The following SNTG1 variants were observed in gnomAD, a reference collection of about 807,000 sequenced individuals.
The protein encoded by SNTG1 is gamma-1-syntrophin.
A neutral mutation model predicts 74.7 loss-of-function variants in SNTG1; 39 were observed. That is an observed-to-expected ratio of 0.52 (90% CI 0.40 to 0.68). SNTG1 has a LOEUF of 0.68. Among genes scored for constraint, SNTG1 ranks in the 30% least tolerant of loss-of-function variants. The probability of loss-of-function intolerance (pLI) is 0.00; values close to 1 mark genes in which losing one functional copy is unlikely to be tolerated. For synonymous variants in SNTG1, 254 were observed against 217.1 expected, an observed-to-expected ratio of 1.17 and a Z score of -1.49; for missense variants, 685 against 609.5, an observed-to-expected ratio of 1.12 and a Z score of -1.30.
At chr8:49,941,332 C>T (rs1808666021) in intron 1 of SNTG1, among the ~76,000 whole-genome samples, 1 of 152,048 alleles carries the variant, frequency 6.6e-6, no homozygotes, top group Admixed American at 6.5e-5. Context: ...CTTTATGGAA[C>T]TCCTACACCT....
intron 11 of SNTG1, among the ~76,000 whole-genome samples, chr8:50,548,506 T>G (rs2094403531): frequency 6.6e-6 from 1 of 152,066 alleles, no homozygotes; most frequent in Non-Finnish European, 1.5e-5. Flanking sequence ...TAAAGTAAAG[T>G]GGAGATGGAC....
chr8:50,028,208 T>C (rs1817433569), intron 1 of SNTG1, among the ~76,000 whole-genome samples: 1 of 152,224 alleles, frequency 6.6e-6, no homozygotes, highest in South Asian at 2.1e-4. Context: ...AATGGAATCA[T>C]ACAGAATGTG....
chr8:50,069,316 A>C (rs1417354093), intron 1 of SNTG1, among the ~76,000 whole-genome samples: 3 of 152,138 alleles, frequency 2.0e-5, no homozygotes, highest in Non-Finnish European at 4.4e-5. Context: ...TATATCACAA[A>C]ATCCACAAGT....
intron 17 of SNTG1, among the ~76,000 whole-genome samples, chr8:50,730,649 T>G (rs968545526): frequency 6.6e-6 from 1 of 152,210 alleles, no homozygotes; most frequent in Admixed American, 6.5e-5. Context: ...ATATGTTGTC[T>G]CAAAATGCTA....
intron 12 of SNTG1, among the ~76,000 whole-genome samples, chr8:50,589,406 C>G (rs2094676769): frequency 6.6e-6 from 1 of 152,090 alleles, no homozygotes; most frequent in Non-Finnish European, 1.5e-5. Flanking sequence ...GGTGGGTTAG[C>G]AGGACAAGAC....
chr8:50,233,271 T>A (rs148632421), intron 2 of SNTG1, among the ~76,000 whole-genome samples: 2 of 151,702 alleles, frequency 1.3e-5, no homozygotes, highest in East Asian at 1.9e-4. Context: ...AATGACCAAG[T>A]GATTTTTGGC....
rs559931993 is a variant in SNTG1, at chr8:50,168,565, G to GTA, written c.-102-3986_-102-3985dup. ...TGTGTGTATACATGTATATGCATGT[G>GTA]TATATATATATGTATATATGTATGT... is the stretch of plus-strand genomic sequence containing the variant. On this transcript the variant is annotated intron_variant, in intron 1 of 18. Transcript: ENST00000642720. Among the ~76,000 whole-genome samples, 385 of 151,850 alleles carry GTA rather than the reference G, an allele frequency of 2.5e-3. 2 individuals carry two copies. Among genetic ancestry groups the GTA allele is most frequent in the African/African-American group, 8.7e-3 (360 of 41,422 alleles).
At chr8:50,064,780 C>A (rs964844929) in intron 1 of SNTG1, among the ~76,000 whole-genome samples, 2 of 152,110 alleles carry the variant, frequency 1.3e-5, no homozygotes, top group African/African-American at 2.4e-5. Context: ...TCTTATAATT[C>A]TGGTTGCAGC....
chr8:50,627,469 C>A (rs925669023), intron 13 of SNTG1, among the ~76,000 whole-genome samples: 7 of 152,002 alleles, frequency 4.6e-5, no homozygotes, highest in African/African-American at 1.4e-4. Flanking sequence ...CAAAGTGGGC[C>A]CAGCTTTCCA....
intron 2 of SNTG1, among the ~76,000 whole-genome samples, chr8:50,389,423 T>A (rs1010147248): frequency 1.3e-5 from 2 of 152,188 alleles, no homozygotes; most frequent in African/African-American, 4.8e-5. Context: ...AAATGAACAA[T>A]CTATTTCCTT....
At chr8:50,660,381 G>A (rs2095214048) in intron 15 of SNTG1, among the ~76,000 whole-genome samples, 1 of 105,102 alleles carries the variant, frequency 9.5e-6, no homozygotes, top group Non-Finnish European at 2.0e-5. Flanking sequence ...AAAGAAGGAA[G>A]GAAGGAAGGA....
chr8:50,507,884 T>A (rs2094022632), intron 9 of SNTG1, among the ~76,000 whole-genome samples: 1 of 151,716 alleles, frequency 6.6e-6, no homozygotes, highest in African/African-American at 2.4e-5. Context: ...CCTTCCTGTG[T>A]CCATGTGTTC....
At chr8:50,484,468 GCCTCCCA>G (rs929456217) in intron 8 of SNTG1, among the ~76,000 whole-genome samples, 13 of 151,568 alleles carry the variant, frequency 8.6e-5, no homozygotes, top group Non-Finnish European at 1.8e-4. Flanking sequence ...ACCTGTCTCG[GCCTCCCA>G]AAGCGCTGTG....
At chr8:50,551,869 C>G (rs2094429102) in intron 11 of SNTG1, among the ~76,000 whole-genome samples, 1 of 152,070 alleles carries the variant, frequency 6.6e-6, no homozygotes, top group Admixed American at 6.6e-5. Flanking sequence ...AATTTGAACC[C>G]TCAGAGTCGT....
chr8:50,377,566 G>T (rs1398672267), intron 2 of SNTG1, among the ~76,000 whole-genome samples: 1 of 151,802 alleles, frequency 6.6e-6, no homozygotes, highest in Non-Finnish European at 1.5e-5. Flanking sequence ...AAGAATCAAT[G>T]GTTGAAAAGA....
intron 10 of SNTG1, among the ~76,000 whole-genome samples, chr8:50,534,832 G>A (rs2094296059): frequency 6.6e-6 from 1 of 152,034 alleles, no homozygotes; most frequent in South Asian, 2.1e-4. Flanking sequence ...CATAGTAATA[G>A]CTTTGTTTTT....
At chr8:50,400,439 T>C (rs979972492) in intron 3 of SNTG1, among the ~76,000 whole-genome samples, 1 of 152,212 alleles carries the variant, frequency 6.6e-6, no homozygotes, top group Non-Finnish European at 1.5e-5. Flanking sequence ...TGATTTCATA[T>C]CTTGGCTGTT....
At chr8:50,721,160 C>A (rs575669243) in intron 17 of SNTG1, among the ~76,000 whole-genome samples, 2 of 152,158 alleles carry the variant, frequency 1.3e-5, no homozygotes, top group East Asian at 3.9e-4. Context: ...TGGTCTGCAT[C>A]CAAGGAACAC....
chr8:50,148,145 T>C (rs539987405), intron 1 of SNTG1, among the ~76,000 whole-genome samples: 2 of 152,268 alleles, frequency 1.3e-5, no homozygotes, highest in African/African-American at 4.8e-5. Flanking sequence ...AAGGTATATG[T>C]ATATATCTAT....
Sources: allele counts gnomAD v4.1 joint callset (sites outside exome capture counted in the v4.1 genomes callset), GRCh38; gene constraint gnomAD v4.1.1; transcripts MANE v1.5; gene names NCBI Gene and HGNC (gene_info 2026-07-23, HGNC 2026-07-21).